The following HPSE2 variants were observed in gnomAD, a reference collection of about 807,000 sequenced individuals.
HPSE2 encodes heparanase 2 (inactive).
In HPSE2, 38 loss-of-function variants were observed where a neutral mutation model predicts 60.5. The observed-to-expected ratio is 0.63, with a 90% CI of 0.48 to 0.82. The LOEUF is 0.82. Among genes scored for constraint, HPSE2 ranks in the 40% least tolerant of loss-of-function variants. The pLI, the probability that HPSE2 is intolerant of heterozygous loss-of-function variation, is 0.00. For synonymous variants in HPSE2, 295 were observed against 293.2 expected, an observed-to-expected ratio of 1.01 and a Z score of -0.06; for missense variants, 713 against 740.4, an observed-to-expected ratio of 0.96 and a Z score of 0.43.
At chr10:99,055,467 C>A (rs140603095) in intron 3 of HPSE2, among the ~76,000 whole-genome samples, 3 of 152,092 alleles carry the variant, frequency 2.0e-5, no homozygotes, top group Admixed American at 2.0e-4. Flanking sequence ...AAAAGCCTCA[C>A]GGATATTTGG....
chr10:99,163,690 G>A (rs1303177558), intron 2 of HPSE2, among the ~76,000 whole-genome samples: 3 of 151,864 alleles, frequency 2.0e-5, no homozygotes, highest in Non-Finnish European at 4.4e-5. Flanking sequence ...ACCAAAACCA[G>A]AATCCCATAT....
intron 2 of HPSE2, among the ~76,000 whole-genome samples, chr10:99,227,857 G>C (rs1295024963): frequency 7.5e-6 from 1 of 133,044 alleles, no homozygotes; most frequent in Non-Finnish European, 1.6e-5. Context: ...ATATAAAGTT[G>C]AATGTGTATA....
At chr10:98,872,468 A>G (rs1952759428) in intron 3 of HPSE2, among the ~76,000 whole-genome samples, 1 of 152,086 alleles carries the variant, frequency 6.6e-6, no homozygotes, top group African/African-American at 2.4e-5. Flanking sequence ...TCTATTGTCA[A>G]CTTAAATTTT....
At chr10:98,597,405 C>T (rs1412805829) in intron 9 of HPSE2, among the ~76,000 whole-genome samples, 1 of 152,026 alleles carries the variant, frequency 6.6e-6, no homozygotes, top group East Asian at 1.9e-4. Context: ...CGGCTCACAC[C>T]TGTAATCCCA....
At chr10:98,929,987 T>TA (rs1255371818) in intron 3 of HPSE2, among the ~76,000 whole-genome samples, 4 of 143,612 alleles carry the variant, frequency 2.8e-5, no homozygotes, top group East Asian at 2.0e-4. Flanking sequence ...AGTGCTTTTT[T>TA]AAAAAAAATT....
intron 3 of HPSE2, among the ~76,000 whole-genome samples, chr10:99,114,926 G>A (rs1359364646): frequency 6.7e-6 from 1 of 149,348 alleles, no homozygotes; most frequent in Non-Finnish European, 1.5e-5. Flanking sequence ...AAAAGAAGAA[G>A]AAGAAGAAGA....
chr10:98,860,860 A>C (rs1952442685), intron 3 of HPSE2, among the ~76,000 whole-genome samples: 6 of 152,124 alleles, frequency 3.9e-5, no homozygotes, highest in African/African-American at 1.4e-4. Context: ...CTATAAAAGT[A>C]CTCAGTTCAT....
At chr10:98,677,055 C>G (rs1947663059) in intron 6 of HPSE2, among the ~76,000 whole-genome samples, 1 of 152,066 alleles carries the variant, frequency 6.6e-6, no homozygotes, top group African/African-American at 2.4e-5. Flanking sequence ...CCTATGGAGT[C>G]CTTACTTCCT....
intron 11 of HPSE2, among the ~76,000 whole-genome samples, chr10:98,466,692 C>T (rs1239510478): frequency 6.6e-6 from 1 of 152,022 alleles, no homozygotes; most frequent in Non-Finnish European, 1.5e-5. Context: ...ACTAGTTTCT[C>T]CATCTGTAAG....
At chr10:99,285,784 G>A in the HPSE2 span, among the ~76,000 whole-genome samples, 1 of 152,112 alleles carries the variant, frequency 6.6e-6, no homozygotes, top group Non-Finnish European at 1.5e-5. Context: ...AATTAGCCAG[G>A]TATGGTGGCA....
chr10:98,693,845 T>G lies in HPSE2; in HGVS notation c.1004+55A>C. ...TTATGAACTTAGTGACAACTAATTATCTTTCATTTCACAGCAGCTGATAAT... is the reference window on the plus strand; with the variant it reads ...TTATGAACTTAGTGACAACTAATTAGCTTTCATTTCACAGCAGCTGATAAT... On this transcript the variant is annotated intron_variant, in intron 6 of 11. Coordinates refer to ENST00000370552, the MANE Select transcript of HPSE2 (RefSeq NM_021828.5). 3 of 1,283,316 alleles carry G rather than the reference T, an allele frequency of 2.3e-6. No homozygotes were observed. In the South Asian group the frequency reaches 3.5e-5, roughly 15 times the overall value. The allele number at this position is 1,283,316 out of a possible 1,614,324, so 79.5% of individuals were successfully genotyped here.
chr10:98,529,509 G>A (rs1293951839), intron 9 of HPSE2, among the ~76,000 whole-genome samples: 1 of 152,156 alleles, frequency 6.6e-6, no homozygotes, highest in Non-Finnish European at 1.5e-5. Flanking sequence ...CAGGCAAATA[G>A]GTTTCACTTT....
At chr10:98,603,950 A>T (rs534330508) in intron 9 of HPSE2, among the ~76,000 whole-genome samples, 16 of 152,274 alleles carry the variant, frequency 1.1e-4, no homozygotes, top group Admixed American at 9.8e-4. Flanking sequence ...AACACTTGTG[A>T]AGTTCACAGT....
chr10:99,259,827 T>C, the HPSE2 span, among the ~76,000 whole-genome samples: 1 of 152,198 alleles, frequency 6.6e-6, no homozygotes, highest in African/African-American at 2.4e-5. Flanking sequence ...AGAGGTGGCA[T>C]TAGATTCTCA....
intron 2 of HPSE2, among the ~76,000 whole-genome samples, chr10:99,151,405 G>T (rs1846257716): frequency 6.6e-6 from 1 of 152,022 alleles, no homozygotes; most frequent in Admixed American, 6.6e-5. Context: ...ACAAGGAGAG[G>T]AAAAATAAAG....
chr10:98,844,434 A>G (rs945563636), intron 3 of HPSE2, among the ~76,000 whole-genome samples: 1 of 152,250 alleles, frequency 6.6e-6, no homozygotes, highest in African/African-American at 2.4e-5. Flanking sequence ...TTTAAATGAT[A>G]CTAGTATGTC....
chr10:99,014,171 G>T (rs1957081074), intron 3 of HPSE2, among the ~76,000 whole-genome samples: 1 of 152,206 alleles, frequency 6.6e-6, no homozygotes, highest in East Asian at 1.9e-4. Flanking sequence ...CTGGCTCGTG[G>T]ACATTGCCAC....
chr10:99,097,747 C>A (rs1843769341), intron 3 of HPSE2, among the ~76,000 whole-genome samples: 2 of 152,156 alleles, frequency 1.3e-5, no homozygotes, highest in Non-Finnish European at 2.9e-5. Flanking sequence ...TTCACTTAAT[C>A]TAAACTATAA....
intron 4 of HPSE2, among the ~76,000 whole-genome samples, chr10:98,731,154 T>G (rs1589726121): frequency 6.6e-6 from 1 of 151,872 alleles, no homozygotes; most frequent in Non-Finnish European, 1.5e-5. Context: ...GCATTAGAGG[T>G]GCACACCTGT....
Sources: gnomAD v4.1 joint callset for allele counts (sites outside exome capture counted in the v4.1 genomes callset) on GRCh38, gnomAD v4.1.1 for gene constraint, MANE v1.5 for transcripts, NCBI Gene and HGNC (gene_info 2026-07-23, HGNC 2026-07-21) for gene names.